Variants in RTN4 observed in about 807,000 individuals in gnomAD.
RTN4 encodes the protein reticulon-4.
A neutral mutation model predicts 90.4 loss-of-function variants in RTN4; 32 were observed. The observed-to-expected ratio is 0.35, with a 90% confidence interval of 0.27 to 0.48. The LOEUF (loss-of-function observed/expected upper bound fraction) is 0.48. Among genes scored for constraint, RTN4 ranks in the 20% least tolerant of loss-of-function variants. The pLI is 0.99. For missense variants in RTN4, 1,706 were observed against 1,430.2 expected (o/e 1.19, Z -3.11); for synonymous variants, 629 against 552.5 (o/e 1.14, Z -1.94).
chr2:55,070,321 A>G (rs1300976342), intron 2 of RTN4, among the ~76,000 whole-genome samples: 1 of 151,910 alleles, frequency 6.6e-6, no homozygotes, highest in Non-Finnish European at 1.5e-5. Flanking sequence ...CACTTTGGGA[A>G]GCTAAGGCAG....
chr2:55,106,415 G>A (rs1160290027), intron 1 of RTN4, among the ~76,000 whole-genome samples: 2 of 152,020 alleles, frequency 1.3e-5, no homozygotes, highest in African/African-American at 4.8e-5. Flanking sequence ...TTATCTTTGT[G>A]TCTCCCAAAG....
chr2:54,976,508 C>T (rs1459780018), intron 5 of RTN4, among the ~76,000 whole-genome samples: 13 of 152,218 alleles, frequency 8.5e-5, no homozygotes, highest in Admixed American at 8.5e-4. Flanking sequence ...GCTCCATACG[C>T]TGTGGCCATG....
intron 1 of RTN4, among the ~76,000 whole-genome samples, chr2:55,048,094 T>C (rs770963659): frequency 6.6e-6 from 1 of 152,270 alleles, no homozygotes; most frequent in Non-Finnish European, 1.5e-5. Flanking sequence ...CTATACAGGA[T>C]GTTACTGTAG....
chr2:55,077,927 A>G (rs1668632774), intron 2 of RTN4, among the ~76,000 whole-genome samples: 1 of 151,900 alleles, frequency 6.6e-6, no homozygotes, highest in Non-Finnish European at 1.5e-5. Context: ...CAGACATTGT[A>G]CGTTCTCACT....
intron 3 of RTN4, among the ~76,000 whole-genome samples, chr2:54,996,665 T>C (rs1679450669): frequency 6.6e-6 from 1 of 152,232 alleles, no homozygotes; most frequent in Admixed American, 6.5e-5. Flanking sequence ...TTCTTCTACT[T>C]CATATCACAC....
intron 1 of RTN4, among the ~76,000 whole-genome samples, chr2:55,106,535 T>C (rs1244233474): frequency 1.3e-5 from 2 of 152,114 alleles, no homozygotes; most frequent in Non-Finnish European, 2.9e-5. Flanking sequence ...AACTTTTTTT[T>C]TTAAATGGAG....
intron 1 of RTN4, among the ~76,000 whole-genome samples, chr2:55,096,928 CA>C (rs1667743355): frequency 6.6e-6 from 1 of 151,800 alleles, no homozygotes; most frequent in African/African-American, 2.4e-5. Flanking sequence ...TGGATAATTG[CA>C]AGGTTGTTAG....
chr2:55,051,600 G>A (rs903267326), upstream of RTN4, among the ~76,000 whole-genome samples: 1 of 152,212 alleles, frequency 6.6e-6, no homozygotes, highest in African/African-American at 2.4e-5. Context: ...CTGGAGAGAA[G>A]AGGATAACCT....
Position 54,973,129 on chromosome 2 carries a change from A to C in RTN4, c.*27T>G. On this transcript the variant is annotated 3_prime_UTR_variant, in exon 9 of 9. Coordinates refer to ENST00000337526, the MANE Select transcript of RTN4 (RefSeq NM_020532.5). The stretch of plus-strand genomic sequence containing the variant: ...CAAATGAATATCCCCTTTAAAGATG[A>C]ACTCCTACTAATTATTTTGGGCGTT... 6.3e-7 allele frequency: 1 copy of C among 1,589,630 alleles called. No homozygotes were observed.
At chr2:55,046,541 C>T (rs1041008751) in intron 1 of RTN4, among the ~76,000 whole-genome samples, 1 of 152,164 alleles carries the variant, frequency 6.6e-6, no homozygotes, top group African/African-American at 2.4e-5. Flanking sequence ...CCCCATAAAT[C>T]CCCATCATTC....
intron 3 of RTN4, among the ~76,000 whole-genome samples, chr2:55,019,520 A>G (rs1681278160): frequency 1.3e-5 from 2 of 152,214 alleles, no homozygotes; most frequent in South Asian, 4.1e-4. Flanking sequence ...TAACTCTAGA[A>G]GTGGTGCTAT....
intron 1 of RTN4, among the ~76,000 whole-genome samples, chr2:55,028,792 A>T (rs1345208575): frequency 6.6e-6 from 1 of 152,146 alleles, no homozygotes; most frequent in East Asian, 1.9e-4. Flanking sequence ...AAATACAAAA[A>T]AAAAAAAAAT....
At chr2:55,086,928 G>A (rs1373276906) in intron 1 of RTN4, among the ~76,000 whole-genome samples, 33 of 151,188 alleles carry the variant, frequency 2.2e-4, no homozygotes, top group Non-Finnish European at 1.8e-4. Flanking sequence ...CCAAAGTGCC[G>A]GGATTACAGG....
chr2:55,015,933 T>C (rs1681001471), intron 3 of RTN4, among the ~76,000 whole-genome samples: 1 of 152,240 alleles, frequency 6.6e-6, no homozygotes, highest in Non-Finnish European at 1.5e-5. Flanking sequence ...ACAACTTTTC[T>C]GGTGGCCAAT....
intron 2 of RTN4, among the ~76,000 whole-genome samples, chr2:55,068,669 C>CAA (rs138508337): frequency 8.6e-5 from 9 of 104,758 alleles, no homozygotes; most frequent in African/African-American, 1.2e-4. Flanking sequence ...TGGTGCTCTA[C>CAA]AAAAAAAAAG....
chr2:55,126,283 C>T, the RTN4 span, among the ~76,000 whole-genome samples: 19 of 151,530 alleles, frequency 1.3e-4, no homozygotes, highest in Admixed American at 2.6e-4. Context: ...GCATGAGAAT[C>T]GCTTGAACCT....
At chr2:55,083,362 G>A (rs1668758135) in intron 1 of RTN4, among the ~76,000 whole-genome samples, 1 of 152,172 alleles carries the variant, frequency 6.6e-6, no homozygotes, top group South Asian at 2.1e-4. Context: ...CAGGCATGGT[G>A]GTATGCACCT....
chr2:55,104,276 C>G lies in RTN4; in HGVS notation c.-214+8244G>C, dbSNP rs183158603. On this transcript the variant is annotated intron_variant, in intron 1 of 3. Transcript: ENST00000427710. ...TTCACCATGTGGGCCAGGCTGGTCT[C>G]AAACTCCTGACCTCAAGTGATCCAC... 1.6e-4 allele frequency among the ~76,000 whole-genome samples: 24 copies of G among 152,078 alleles called. No individual in the cohort carries two copies. In the East Asian group the frequency reaches 4.6e-3, roughly 29 times the overall value.
the RTN4 span, among the ~76,000 whole-genome samples, chr2:55,118,144 T>C: frequency 6.6e-6 from 1 of 152,152 alleles, no homozygotes; most frequent in Non-Finnish European, 1.5e-5. Flanking sequence ...CGATCTAGTC[T>C]ACTCTCAAAA....
Sources: allele counts gnomAD v4.1 joint callset (sites outside exome capture counted in the v4.1 genomes callset), GRCh38; gene constraint gnomAD v4.1.1; transcripts MANE v1.5; gene names NCBI Gene and HGNC (gene_info 2026-07-23, HGNC 2026-07-21).